Variants in RPSA2 observed in about 807,000 individuals in gnomAD.
RPSA2 encodes the protein ribosomal protein SA 2.
At chr19:23,774,362 G>A in the RPSA2 span, among the ~76,000 whole-genome samples, 3,326 of 152,220 alleles carry the variant, frequency 0.022, 129 homozygotes, top group African/African-American at 0.076. Context: ...TCTCCTGCCT[G>A]TTCCCTGCTC....
chr19:23,769,778 T>C, the RPSA2 span, among the ~76,000 whole-genome samples: 1 of 152,154 alleles, frequency 6.6e-6, no homozygotes, highest in Non-Finnish European at 1.5e-5. Flanking sequence ...GTCAAGAACC[T>C]AGATGAGGTG....
At chr19:23,842,650 GAAC>G in the RPSA2 span, 3 of 152,914 alleles carry the variant, frequency 2.0e-5, no homozygotes, top group Non-Finnish European at 4.4e-5. Context: ...TAATGTTAGA[GAAC>G]AACAGAAACC....
chr19:23,834,005 A>G, the RPSA2 span, among the ~76,000 whole-genome samples: 14 of 152,256 alleles, frequency 9.2e-5, no homozygotes, highest in Middle Eastern at 3.4e-3. Context: ...AAGAGTTTAT[A>G]CTAAAATATA....
At chr19:23,774,018 CA>C in the RPSA2 span, among the ~76,000 whole-genome samples, 1 of 152,210 alleles carries the variant, frequency 6.6e-6, no homozygotes, top group Non-Finnish European at 1.5e-5. Context: ...GACCAGCCCA[CA>C]GATGGAATAG....
At chr19:23,829,854 G>A in the RPSA2 span, among the ~76,000 whole-genome samples, 10 of 152,014 alleles carry the variant, frequency 6.6e-5, no homozygotes, top group Non-Finnish European at 1.2e-4. Context: ...AATGTTTTCT[G>A]CGTCACTAGG....
the RPSA2 span, among the ~76,000 whole-genome samples, chr19:23,840,027 G>A: frequency 0.98 from 148,965 of 152,288 alleles, 72,949 homozygotes; most frequent in Middle Eastern, 1. Context: ...ATGCCTTTAA[G>A]GACATATTCT....
the RPSA2 span, among the ~76,000 whole-genome samples, chr19:23,787,444 A>AC: frequency 2.0e-4 from 31 of 151,310 alleles, no homozygotes; most frequent in Admixed American, 1.4e-3. Flanking sequence ...CTACTAAAAA[A>AC]AGAAAAATAC....
At chr19:23,820,735 C>G in the RPSA2 span, among the ~76,000 whole-genome samples, 1 of 152,188 alleles carries the variant, frequency 6.6e-6, no homozygotes, top group Non-Finnish European at 1.5e-5. Context: ...TATTTGGAAT[C>G]AGTATAAATA....
the RPSA2 span, among the ~76,000 whole-genome samples, chr19:23,836,836 G>T: frequency 3.3e-5 from 5 of 151,220 alleles, no homozygotes; most frequent in African/African-American, 7.3e-5. Flanking sequence ...TCTATTTTTT[G>T]ATTTTTTTCT....
the RPSA2 span, among the ~76,000 whole-genome samples, chr19:23,778,494 G>T: frequency 6.6e-6 from 1 of 152,184 alleles, no homozygotes; most frequent in Admixed American, 6.5e-5. Flanking sequence ...GATTACAGGT[G>T]TGAGCCACTG....
chr19:23,841,623 T>G, the RPSA2 span, among the ~76,000 whole-genome samples: 1 of 152,112 alleles, frequency 6.6e-6, no homozygotes, highest in East Asian at 1.9e-4. Context: ...GGGTGATTTG[T>G]GGGTTACTGG....
At chr19:23,802,403 G>C in the RPSA2 span, among the ~76,000 whole-genome samples, 1 of 152,278 alleles carries the variant, frequency 6.6e-6, no homozygotes, top group South Asian at 2.1e-4. Flanking sequence ...TTTCTTTTTA[G>C]AATCAGCCTG....
At chr19:23,828,978 A>G in the RPSA2 span, among the ~76,000 whole-genome samples, 1 of 149,784 alleles carries the variant, frequency 6.7e-6, no homozygotes. Flanking sequence ...CAAATTTGTC[A>G]TAGATTCCCT....
At chr19:23,789,393 C>G in the RPSA2 span, among the ~76,000 whole-genome samples, 3 of 152,148 alleles carry the variant, frequency 2.0e-5, no homozygotes, top group Admixed American at 1.3e-4. Flanking sequence ...CTGTCTGGTT[C>G]TTTCCTTCAA....
chr19:23,828,936 GACACACACACACACACAC>G, the RPSA2 span, among the ~76,000 whole-genome samples: 3 of 148,278 alleles, frequency 2.0e-5, no homozygotes, highest in Non-Finnish European at 3.0e-5. Flanking sequence ...CCTAATGTGA[GACACACACACACACACAC>G]ACACACACAC....
At chr19:23,834,276 G>A in the RPSA2 span, among the ~76,000 whole-genome samples, 11 of 151,434 alleles carry the variant, frequency 7.3e-5, no homozygotes, top group South Asian at 2.1e-4. Flanking sequence ...GGTTTTTTTC[G>A]AAGTGAATAA....
the RPSA2 span, among the ~76,000 whole-genome samples, chr19:23,794,324 G>A: frequency 6.6e-6 from 1 of 152,194 alleles, no homozygotes; most frequent in East Asian, 1.9e-4. Flanking sequence ...TAACAGCAGT[G>A]TATAAGTATT....
chr19:23,861,683 C>T, the RPSA2 span, among the ~76,000 whole-genome samples: 2 of 152,094 alleles, frequency 1.3e-5, no homozygotes, highest in Non-Finnish European at 1.5e-5. Flanking sequence ...TCTGCAAGCC[C>T]CTCACTCCAC....
At chr19:23,762,447 G>T in the RPSA2 span, among the ~76,000 whole-genome samples, 8 of 151,450 alleles carry the variant, frequency 5.3e-5, no homozygotes, top group Admixed American at 2.6e-4. Flanking sequence ...AGGCTGAGGC[G>T]GGCGGAACAC....
Sources: gnomAD v4.1 joint callset for allele counts (sites outside exome capture counted in the v4.1 genomes callset) on GRCh38, gnomAD v4.1.1 for gene constraint, MANE v1.5 for transcripts, NCBI Gene and HGNC (gene_info 2026-07-23, HGNC 2026-07-21) for gene names.